The following ABCG5 variants were observed in gnomAD, a reference collection of about 807,000 sequenced individuals.
The protein encoded by ABCG5 is ATP binding cassette subfamily G member 5, also known as ATP-binding cassette sub-family G member 5.
Under a neutral mutation model 64.5 loss-of-function variants are expected in ABCG5, and 64 were observed. The observed-to-expected ratio is 0.99, with a 90% CI of 0.81 to 1.22. The LOEUF (loss-of-function observed/expected upper bound fraction) is 1.22. ABCG5 is among the 50% of genes most tolerant of loss of function. ABCG5 has a pLI of 0.00. For synonymous variants in ABCG5, 385 were observed against 326.3 expected, an observed-to-expected ratio of 1.18 and a Z score of -1.94; for missense variants, 908 against 829.5, an observed-to-expected ratio of 1.09 and a Z score of -1.16.
downstream of ABCG5, chr2:43,809,771 T>A: frequency 8.1e-6 from 13 of 1,606,948 alleles, no homozygotes; most frequent in South Asian, 1.1e-5. Context: ...TTCTTGAACC[T>A]ATTTCAATTA....
intron 10 of ABCG5, among the ~76,000 whole-genome samples, chr2:43,822,085 T>C (rs1209460996): frequency 1.3e-5 from 2 of 152,192 alleles, no homozygotes; most frequent in Non-Finnish European, 2.9e-5. Context: ...AACCATTTTT[T>C]GAACTTGATC....
chr2:43,828,212 C>G (rs1667740021), intron 4 of ABCG5, 97 bp from the exon 5 acceptor site: 1 of 1,557,886 alleles, frequency 6.4e-7, no homozygotes. Context: ...GCACACCGCC[C>G]AAGAATCCAA....
chr2:43,826,251 C>T, intron 6 of ABCG5, 131 bp downstream of exon 6: 1 of 1,390,876 alleles, frequency 7.2e-7, no homozygotes, highest in Non-Finnish European at 1.0e-6. Flanking sequence ...CCTCCTGCCT[C>T]AGCCTCCCAA....
intron 2 of ABCG5, chr2:43,832,648 G>A (rs1362585189): frequency 6.1e-6 from 1 of 163,364 alleles, no homozygotes; most frequent in Non-Finnish European, 1.4e-5. Flanking sequence ...TCGAGTTTGA[G>A]AAGCACTGGC....
At chr2:43,810,998 C>T (rs1362715187), downstream of ABCG5, among the ~76,000 whole-genome samples, 1 of 152,216 alleles carries the variant, frequency 6.6e-6, no homozygotes, top group Non-Finnish European at 1.5e-5. Flanking sequence ...AAGGTGCTAT[C>T]ACTAACATTT....
rs1667462285 is a variant in ABCG5 at position 43,824,449 on chromosome 2, A to T, written c.905-17T>A. ...TCAGGTCCACTAAAAGTTTTTCCCA[A>T]AAGATGTCACCCATGTGTTTTTAAA... On this transcript the variant is annotated splice_polypyrimidine_tract_variant and intron_variant, in intron 7 of 12. Coordinates refer to ENST00000405322, the MANE Select transcript of ABCG5 (RefSeq NM_022436.3). 1 of 1,612,836 alleles carries T rather than the reference A, an allele frequency of 6.2e-7. No homozygotes were observed.
chr2:43,818,940 C>T (rs776132317), intron 11 of ABCG5, among the ~76,000 whole-genome samples: 2 of 152,166 alleles, frequency 1.3e-5, no homozygotes, highest in Non-Finnish European at 2.9e-5. Flanking sequence ...GAGGAAGTTT[C>T]TGACTCATAG....
In ABCG5 at chr2:43,828,088, G is replaced by C. The variant is rs1305628120; in HGVS notation, c.529C>G (p.Leu177Val). The C allele has an allele frequency of 2.5e-5, 41 of 1,614,048 alleles. No individual in the cohort carries two copies. Among genetic ancestry groups the C allele is most frequent in the Non-Finnish European group, 3.3e-5 (39 of 1,180,026 alleles). The change falls in exon 5 of 13, where the codon CTG (leucine) becomes GTG (valine). Residue 177 changes from leucine to valine, a missense_variant. Coordinates refer to ENST00000405322, the MANE Select transcript of ABCG5 (RefSeq NM_022436.3). Reference sequence around the variant, plus strand: ...ATCAGTCGGTCTGCCACATGGCTCAGACTCAGCTCTGCCATGACGGCCTCC... The same window carrying C: ...ATCAGTCGGTCTGCCACATGGCTCACACTCAGCTCTGCCATGACGGCCTCC... Reference protein sequence around the residue: ...KVEAVMAELSLSHVADRLIGN... With the variant: ...KVEAVMAELSVSHVADRLIGN...
chr2:43,822,571 C>T (rs567393137), intron 10 of ABCG5: 1 of 985,084 alleles, frequency 1.0e-6, no homozygotes, highest in East Asian at 1.1e-4. Context: ...CATTCCCAGG[C>T]ACATGTCATC....
At position 43,828,256 on chromosome 2, in the gene ABCG5, A is replaced by C. The variant is rs151070293; in HGVS notation, c.502-141T>G. Reference sequence around the variant, plus strand: ...TCCAGACTCACCACACCCTGGGGAAAGCATGTCTTTGATAATAATATGATC... The same window carrying C: ...TCCAGACTCACCACACCCTGGGGAACGCATGTCTTTGATAATAATATGATC... On this transcript the variant is annotated intron_variant, in intron 4 of 12. Transcript: ENST00000405322. 6.5e-4 allele frequency: 713 copies of C among 1,095,872 alleles called. 3 individuals are homozygous for C. The East Asian group carries it at 0.016, about 25-fold the overall frequency. 67.9% of individuals were successfully genotyped at this position (1,095,872 alleles called of 1,614,324 possible).
chr2:43,838,746 G>C lies in ABCG5; in HGVS notation c.-67C>G. 6.3e-7 allele frequency: 1 copy of C among 1,588,006 alleles called. No individual in the cohort carries two copies. The highest frequency in any genetic ancestry group is 8.6e-7 in the Non-Finnish European group (1 of 1,168,128). ...GACCCTCCCCAGAGTGGCTTCAGTT[G>C]GGGAGCCCGTGGCAGACTGCCCTGC... On this transcript the variant is annotated 5_prime_UTR_variant, in exon 1 of 13. Coordinates refer to ENST00000405322, the MANE Select transcript of ABCG5 (RefSeq NM_022436.3). The surrounding 1 kb of genome is among the most constrained non-coding windows in gnomAD (Gnocchi z 4.2).
At chr2:43,807,549 C>A (rs575328895), downstream of ABCG5, among the ~76,000 whole-genome samples, 1 of 151,980 alleles carries the variant, frequency 6.6e-6, no homozygotes, top group Non-Finnish European at 1.5e-5. Flanking sequence ...AAGGGATCCT[C>A]CCATCTCAGC....
Position 43,824,078 on chromosome 2 carries a change from T to C in ABCG5, c.1159A>G (p.Ile387Val). 6.2e-7 allele frequency: 1 copy of C among 1,614,212 alleles called. No individual in the cohort carries two copies. The highest frequency in any genetic ancestry group is 2.2e-5 in the East Asian group (1 of 44,884). The change falls in exon 9 of 13, where the codon ATT (isoleucine) becomes GTT (valine). Residue 387 changes from isoleucine to valine, a missense_variant. Transcript: ENST00000405322. ...RNLVRNKLAV[I>V]TRLLQNLIMG... ...ATCAGATTCTGAAGGAGACGCGTAA[T>C]CACTGCCAGCTTATTTCTCACCAAG...
chr2:43,815,027 T>C (rs190069911), intron 11 of ABCG5, among the ~76,000 whole-genome samples: 79 of 152,286 alleles, frequency 5.2e-4, no homozygotes, highest in African/African-American at 1.7e-3. Context: ...CTTATTTTGG[T>C]AAGCACTACT....
rs1250295912 is a variant in ABCG5, at chr2:43,831,947, C to T, written c.402G>A (p.Gln134=). 10 of 1,549,380 alleles carry T rather than the reference C, an allele frequency of 6.5e-6. No homozygotes were observed. The highest frequency in any genetic ancestry group is 7.8e-6 in the Non-Finnish European group (9 of 1,146,926). ...QFQDCFSYVL[Q]SDTLLSSLTV... ...CCAGGGGTGTGGGGGACGCGCCCAC[C>T]TGCAGGACGTAGGAGAAGCAGTCCT... is the stretch of plus-strand genomic sequence containing the variant. Residue 134 remains glutamine (Q), a splice_region_variant and synonymous_variant, in exon 3 of 13, where the codon CAG becomes CAA. Coordinates refer to ENST00000405322, the MANE Select transcript of ABCG5 (RefSeq NM_022436.3).
chr2:43,817,695 A>G (rs552947962), intron 11 of ABCG5, among the ~76,000 whole-genome samples: 2 of 152,250 alleles, frequency 1.3e-5, no homozygotes, highest in East Asian at 3.9e-4. Flanking sequence ...AGATCACCTG[A>G]GGTCAGGAGT....
chr2:43,814,067 C>G (rs1666663814), intron 12 of ABCG5, among the ~76,000 whole-genome samples: 1 of 152,072 alleles, frequency 6.6e-6, no homozygotes, highest in African/African-American at 2.4e-5. Flanking sequence ...CTACTTCCAT[C>G]TGGTGGGATT....
At chr2:43,822,487 C>T in intron 10 of ABCG5, 2 of 931,944 alleles carry the variant, frequency 2.1e-6, no homozygotes, top group Non-Finnish European at 2.6e-6. Flanking sequence ...GGCCCCCCCC[C>T]ATGCACCTGG....
intron 5 of ABCG5, among the ~76,000 whole-genome samples, chr2:43,826,849 T>G (rs930887933): frequency 2.0e-5 from 3 of 152,288 alleles, no homozygotes; most frequent in Middle Eastern, 3.4e-3. Flanking sequence ...TCAAGTTGTT[T>G]TAAAACAAGA....
Sources: gnomAD v4.1 joint callset for allele counts (sites outside exome capture counted in the v4.1 genomes callset) on GRCh38, gnomAD v4.1.1 for gene constraint, Gnocchi (gnomAD v3.1) non-coding constraint, MANE v1.5 for transcripts, NCBI Gene and HGNC (gene_info 2026-07-23, HGNC 2026-07-21) for gene names.